Variants in CDC42BPA observed in about 807,000 individuals in gnomAD.
CDC42BPA encodes serine/threonine-protein kinase MRCK alpha.
Under a neutral mutation model 223.5 loss-of-function variants are expected in CDC42BPA, and 80 were observed. The observed-to-expected ratio is 0.36, with a 90% CI of 0.30 to 0.43. CDC42BPA has a LOEUF of 0.43. Among genes scored for constraint, CDC42BPA ranks in the 20% least tolerant of loss-of-function variants. CDC42BPA has a pLI of 1.00. For synonymous variants in CDC42BPA, 694 were observed against 718.6 expected (o/e 0.97, Z 0.55); for missense variants, 1,743 against 2,099.9 (o/e 0.83, Z 3.32).
chr1:227,049,886 G>A (rs1388986372), intron 22 of CDC42BPA, among the ~76,000 whole-genome samples: 1 of 151,988 alleles, frequency 6.6e-6, no homozygotes, highest in Non-Finnish European at 1.5e-5. Flanking sequence ...TCCTAAACAA[G>A]TAAAAGCAAA....
intron 3 of CDC42BPA, among the ~76,000 whole-genome samples, chr1:227,206,791 T>C (rs962230074): frequency 5.9e-5 from 9 of 152,198 alleles, no homozygotes; most frequent in Admixed American, 2.6e-4. Context: ...AAATATGGAA[T>C]CAGTCTTGCA....
At chr1:227,251,153 G>C (rs1331175603) in intron 2 of CDC42BPA, among the ~76,000 whole-genome samples, 1 of 152,048 alleles carries the variant, frequency 6.6e-6, no homozygotes, top group Non-Finnish European at 1.5e-5. Flanking sequence ...ATACAAATAT[G>C]TGGGTAAACC....
At chr1:227,293,695 A>G (rs1690106857) in intron 1 of CDC42BPA, among the ~76,000 whole-genome samples, 1 of 151,926 alleles carries the variant, frequency 6.6e-6, no homozygotes, top group African/African-American at 2.4e-5. Flanking sequence ...CATGGTGGCT[A>G]CTCGGGAGGT....
intron 6 of CDC42BPA, among the ~76,000 whole-genome samples, chr1:227,149,901 C>T (rs958426785): frequency 1.3e-5 from 2 of 152,010 alleles, no homozygotes; most frequent in Non-Finnish European, 2.9e-5. Flanking sequence ...ATATAAGACT[C>T]GAATTCCTGG....
At chr1:227,175,943 C>A (rs1431879612) in intron 5 of CDC42BPA, among the ~76,000 whole-genome samples, 2 of 152,142 alleles carry the variant, frequency 1.3e-5, no homozygotes, top group African/African-American at 4.8e-5. Flanking sequence ...CCACACAGAG[C>A]TGTATGTATG....
chr1:227,009,929 A>G (rs990976016), intron 34 of CDC42BPA, among the ~76,000 whole-genome samples: 8 of 152,186 alleles, frequency 5.3e-5, no homozygotes, highest in African/African-American at 1.7e-4. Context: ...TCCTACAGCT[A>G]ATTTTCTAAT....
At chr1:227,250,614 T>C (rs1681813542) in intron 2 of CDC42BPA, among the ~76,000 whole-genome samples, 2 of 151,812 alleles carry the variant, frequency 1.3e-5, no homozygotes, top group Non-Finnish European at 2.9e-5. Flanking sequence ...GTATATTTTT[T>C]GAAACTGAAG....
intron 6 of CDC42BPA, among the ~76,000 whole-genome samples, chr1:227,150,880 A>G (rs957612919): frequency 6.9e-6 from 1 of 145,740 alleles, no homozygotes; most frequent in East Asian, 2.0e-4. Context: ...AAAAAAAAAA[A>G]GAAGTTGGAA....
In CDC42BPA at chr1:227,024,024, T is replaced by C. The variant is rs182254562; in HGVS notation, c.4531-677A>G. Among the ~76,000 whole-genome samples the C allele has an allele frequency of 2.0e-4, 31 of 152,296 alleles. No homozygotes were observed. The East Asian group carries it at 5.8e-3, about 28-fold the overall frequency. ...TAACTACATTAAAATTAGTAACTTCTGTTCAGCCAAATACAAATGAATGAA... is the reference window on the plus strand; with the variant it reads ...TAACTACATTAAAATTAGTAACTTCCGTTCAGCCAAATACAAATGAATGAA... On this transcript the variant is annotated intron_variant, in intron 31 of 36. Coordinates refer to ENST00000366766, the MANE Select transcript of CDC42BPA (RefSeq NM_001394014.1).
chr1:227,179,249 A>G (rs1040396587), intron 5 of CDC42BPA, among the ~76,000 whole-genome samples: 3 of 152,184 alleles, frequency 2.0e-5, no homozygotes, highest in Non-Finnish European at 2.9e-5. Flanking sequence ...ATTCTAAAAT[A>G]GATCATAGTA....
intron 3 of CDC42BPA, among the ~76,000 whole-genome samples, chr1:227,205,283 A>AAATAT (rs1376021292): frequency 8.1e-6 from 1 of 122,778 alleles, no homozygotes; most frequent in Non-Finnish European, 1.6e-5. Context: ...AAAAAAAAAA[A>AAATAT]ATATATATAT....
At chr1:227,016,442 G>C (rs1170091559) in intron 33 of CDC42BPA, among the ~76,000 whole-genome samples, 1 of 152,144 alleles carries the variant, frequency 6.6e-6, no homozygotes, top group African/African-American at 2.4e-5. Flanking sequence ...AGACATCAAA[G>C]AAGCTCTACT....
intron 34 of CDC42BPA, among the ~76,000 whole-genome samples, chr1:227,008,459 A>C (rs1664528419): frequency 6.6e-6 from 1 of 152,240 alleles, no homozygotes; most frequent in Non-Finnish European, 1.5e-5. Context: ...ACAAGCAATA[A>C]AGAAATGTAC....
intron 30 of CDC42BPA, among the ~76,000 whole-genome samples, chr1:227,027,511 A>T (rs1668482115): frequency 6.6e-6 from 1 of 152,150 alleles, no homozygotes; most frequent in Non-Finnish European, 1.5e-5. Flanking sequence ...CCATATAGAC[A>T]ACTTTTCCAT....
At chr1:227,091,027 T>C (rs994134077) in intron 16 of CDC42BPA, among the ~76,000 whole-genome samples, 5 of 152,118 alleles carry the variant, frequency 3.3e-5, no homozygotes, top group African/African-American at 9.7e-5. Context: ...GCTGAGATGG[T>C]TTCTTTAGAT....
At chr1:227,220,303 TATATATATACACAC>T (rs970407063) in intron 2 of CDC42BPA, among the ~76,000 whole-genome samples, 34 of 76,136 alleles carry the variant, frequency 4.5e-4, no homozygotes, top group South Asian at 3.2e-3. Flanking sequence ...TATATATATA[TATATATATACACAC>T]ACACACACAC....
At chr1:227,058,260 G>A (rs781274819) in intron 21 of CDC42BPA, among the ~76,000 whole-genome samples, 4 of 152,096 alleles carry the variant, frequency 2.6e-5, no homozygotes, top group Admixed American at 6.6e-5. Flanking sequence ...GCTGTAATCC[G>A]AAAATATTAT....
chr1:227,252,010 G>A (rs1682096926), intron 2 of CDC42BPA, among the ~76,000 whole-genome samples: 1 of 151,826 alleles, frequency 6.6e-6, no homozygotes, highest in South Asian at 2.1e-4. Flanking sequence ...ACATATATAT[G>A]ACATACCAAA....
chr1:227,227,784 G>T (rs1399763571), intron 2 of CDC42BPA, among the ~76,000 whole-genome samples: 1 of 151,886 alleles, frequency 6.6e-6, no homozygotes, highest in African/African-American at 2.4e-5. Context: ...CAAAAACTGT[G>T]TCCTAAAACT....
Sources: gnomAD v4.1 joint callset for allele counts (sites outside exome capture counted in the v4.1 genomes callset) on GRCh38, gnomAD v4.1.1 for gene constraint, MANE v1.5 for transcripts, NCBI Gene and HGNC (gene_info 2026-07-23, HGNC 2026-07-21) for gene names.